SLC1A2: variants seen among roughly 807,000 people sequenced by gnomAD.
SLC1A2 encodes the protein excitatory amino acid transporter 2.
A neutral mutation model predicts 48.8 loss-of-function variants in SLC1A2; 15 were observed. That is an observed-to-expected ratio of 0.31 (90% CI 0.21 to 0.47). The LOEUF (loss-of-function observed/expected upper bound fraction) is 0.47, where lower values mean the gene tolerates loss of function less well. Among genes scored for constraint, SLC1A2 ranks in the 20% least tolerant of loss-of-function variants. The pLI is 0.99. For synonymous variants in SLC1A2, 279 were observed against 272.6 expected, an observed-to-expected ratio of 1.02 and a Z score of -0.23; for missense variants, 502 against 730.5, an observed-to-expected ratio of 0.69 and a Z score of 3.61.
chr11:35,302,751 C>T (rs1431051459), intron 5 of SLC1A2, among the ~76,000 whole-genome samples: 3 of 151,772 alleles, frequency 2.0e-5, no homozygotes, highest in Admixed American at 6.6e-5. Context: ...CTCAGGCCTG[C>T]AGTCTCACTC....
intron 1 of SLC1A2, among the ~76,000 whole-genome samples, chr11:35,391,983 A>C (rs1854784564): frequency 6.6e-6 from 1 of 152,212 alleles, no homozygotes; most frequent in Non-Finnish European, 1.5e-5. Flanking sequence ...TATCCATTGC[A>C]CCACAGAGCC....
At chr11:35,377,342 C>T (rs1418396063) in intron 1 of SLC1A2, among the ~76,000 whole-genome samples, 1 of 152,212 alleles carries the variant, frequency 6.6e-6, no homozygotes, top group African/African-American at 2.4e-5. Context: ...ATTGGACTGG[C>T]TATCTCTGTC....
At chr11:35,320,621 A>G (rs1852026072) in intron 1 of SLC1A2, among the ~76,000 whole-genome samples, 1 of 152,232 alleles carries the variant, frequency 6.6e-6, no homozygotes, top group Non-Finnish European at 1.5e-5. Context: ...GTGCTTAATC[A>G]ATGTTTGCCA....
chr11:35,284,737 G>A (rs575238658), intron 8 of SLC1A2, among the ~76,000 whole-genome samples: 4 of 152,312 alleles, frequency 2.6e-5, no homozygotes, highest in African/African-American at 7.2e-5. Context: ...CTCAGAGCTA[G>A]ATAGATCAAG....
intron 1 of SLC1A2, among the ~76,000 whole-genome samples, chr11:35,342,445 A>G (rs1852869929): frequency 1.3e-5 from 2 of 152,206 alleles, no homozygotes; most frequent in Admixed American, 6.5e-5. Flanking sequence ...TATGCTTGAA[A>G]ATCAAAGCAG....
At chr11:35,417,139 A>G (rs1029760918) in intron 1 of SLC1A2, among the ~76,000 whole-genome samples, 16 of 152,240 alleles carry the variant, frequency 1.1e-4, no homozygotes, top group Admixed American at 2.6e-4. Context: ...TCTTCTCTTA[A>G]ATATAAGTTC....
chr11:35,419,268 T>G lies in SLC1A2; in HGVS notation c.-302A>C. On this transcript the variant is annotated 5_prime_UTR_variant, in exon 1 of 11. Coordinates refer to ENST00000278379, the MANE Select transcript of SLC1A2 (RefSeq NM_004171.4). The surrounding 1 kb of genome is among the most constrained non-coding windows in gnomAD (Gnocchi z 5.4). Reference sequence around the variant, plus strand: ...GAGGGTGGCTTCCCCGAGAGAGCGATGCGCCCAGGGCTGCAGGAGGGCGCA... The same window carrying G: ...GAGGGTGGCTTCCCCGAGAGAGCGAGGCGCCCAGGGCTGCAGGAGGGCGCA... 8.6e-6 allele frequency: 3 copies of G among 348,000 alleles called. No individual in the cohort carries two copies. The highest frequency in any genetic ancestry group is 1.0e-5 in the Non-Finnish European group (2 of 195,144). 21.6% of individuals were successfully genotyped at this position (348,000 alleles called of 1,614,324 possible).
chr11:35,306,424 T>C (rs1851508258), intron 4 of SLC1A2, among the ~76,000 whole-genome samples, 182 bp from the exon 5 acceptor site: 1 of 152,252 alleles, frequency 6.6e-6, no homozygotes, highest in African/African-American at 2.4e-5. Context: ...AGTGGTGTTT[T>C]ATTATACACA....
At chr11:35,263,072 G>C (rs928057265) in intron 10 of SLC1A2, among the ~76,000 whole-genome samples, 3 of 152,168 alleles carry the variant, frequency 2.0e-5, no homozygotes, top group Non-Finnish European at 2.9e-5. Flanking sequence ...GGTCACAGTA[G>C]TATAACTGGG....
At chr11:35,415,308 AC>A (rs1855573983) in intron 1 of SLC1A2, among the ~76,000 whole-genome samples, 2 of 152,254 alleles carry the variant, frequency 1.3e-5, no homozygotes, top group Non-Finnish European at 2.9e-5. Context: ...TTTCTGCCTC[AC>A]AAGTTTCATC....
At chr11:35,406,302 T>C (rs1855291380) in intron 1 of SLC1A2, among the ~76,000 whole-genome samples, 1 of 152,138 alleles carries the variant, frequency 6.6e-6, no homozygotes, top group South Asian at 2.1e-4. Flanking sequence ...GATGAACTAG[T>C]CTTCAAAGTG....
At chr11:35,403,687 TAA>T (rs1423278124) in intron 1 of SLC1A2, among the ~76,000 whole-genome samples, 2 of 152,104 alleles carry the variant, frequency 1.3e-5, no homozygotes, top group African/African-American at 4.8e-5. Context: ...CCAAATAATC[TAA>T]GATTGTCTTG....
At chr11:35,286,214 T>G (rs1274755412) in intron 8 of SLC1A2, 1 of 152,270 alleles carries the variant, frequency 6.6e-6, no homozygotes. Flanking sequence ...TATGTGCTAT[T>G]TATTTGTAAT....
intron 1 of SLC1A2, among the ~76,000 whole-genome samples, chr11:35,329,184 A>G (rs1852346948): frequency 6.6e-6 from 1 of 152,254 alleles, no homozygotes; most frequent in African/African-American, 2.4e-5. Flanking sequence ...ACTATATGAC[A>G]TTCTGGAAAA....
chr11:35,390,151 A>G (rs1202616597), intron 1 of SLC1A2, among the ~76,000 whole-genome samples: 1 of 152,236 alleles, frequency 6.6e-6, no homozygotes, highest in African/African-American at 2.4e-5. Context: ...CTGCTCTAAA[A>G]GACAAAAACA....
chr11:35,353,763 T>G (rs1853352361), intron 1 of SLC1A2, among the ~76,000 whole-genome samples: 1 of 152,214 alleles, frequency 6.6e-6, no homozygotes, highest in Non-Finnish European at 1.5e-5. Flanking sequence ...TTTAATTAAT[T>G]GCATGTTAAA....
intron 1 of SLC1A2, among the ~76,000 whole-genome samples, chr11:35,330,615 C>A (rs539769128): frequency 6.6e-6 from 1 of 152,248 alleles, no homozygotes; most frequent in Admixed American, 6.5e-5. Context: ...TAGGGAGATG[C>A]GCCTGAATTC....
At chr11:35,312,520 T>C (rs1398412012) in intron 3 of SLC1A2, 72 bp from the exon 4 acceptor site, 7 of 1,505,016 alleles carry the variant, frequency 4.7e-6, no homozygotes, top group Non-Finnish European at 4.6e-6. Flanking sequence ...TACATTTCTA[T>C]GACGTTAGCT....
At chr11:35,368,379 T>C (rs1341749310) in intron 1 of SLC1A2, among the ~76,000 whole-genome samples, 2 of 152,210 alleles carry the variant, frequency 1.3e-5, no homozygotes, top group Non-Finnish European at 2.9e-5. Flanking sequence ...GAGCTTCTCT[T>C]TCCTGGTCTG....
Sources: gnomAD v4.1 joint callset for allele counts (sites outside exome capture counted in the v4.1 genomes callset) on GRCh38, gnomAD v4.1.1 for gene constraint, Gnocchi (gnomAD v3.1) non-coding constraint, MANE v1.5 for transcripts, NCBI Gene and HGNC (gene_info 2026-07-23, HGNC 2026-07-21) for gene names.